CD244: variants seen among roughly 807,000 people sequenced by gnomAD.
CD244 encodes natural killer cell receptor 2B4.
A neutral mutation model predicts 45.5 loss-of-function variants in CD244; 20 were observed. That is an observed-to-expected ratio of 0.44 (90% confidence interval 0.31 to 0.64). The LOEUF is 0.64. CD244 is among the 30% of genes least tolerant of loss of function. The probability of loss-of-function intolerance (pLI) is 0.08; values close to 1 mark genes in which losing one functional copy is unlikely to be tolerated. For missense variants in CD244, 407 were observed against 426.9 expected (o/e 0.95, Z 0.41); for synonymous variants, 185 against 160.5 (o/e 1.15, Z -1.15).
At position 160,843,237 on chromosome 1, in the gene CD244, T is replaced by G. The variant is rs146788516; in HGVS notation, c.62-1336A>C. 4.3e-4 allele frequency among the ~76,000 whole-genome samples: 65 copies of G among 152,348 alleles called. 1 individual carries two copies. The highest frequency in any genetic ancestry group is 6.5e-4 in the Admixed American group (10 of 15,308). ...AGACTAAAACACATAGGTTCCCATT[T>G]ATATTTATATGACTTGTACTGGCTC... On this transcript the variant is annotated intron_variant, in intron 1 of 8. Transcript: ENST00000368034.
chr1:160,842,021 C>T (rs1340686858), intron 1 of CD244, 120 bp from the exon 2 acceptor site: 3 of 700,552 alleles, frequency 4.3e-6, no homozygotes, highest in African/African-American at 3.6e-5. Flanking sequence ...GAGCCCAGAA[C>T]CTAGGAGCAC....
chr1:160,832,434 T>G, intron 8 of CD244, 85 bp downstream of exon 8: 1 of 812,028 alleles, frequency 1.2e-6, no homozygotes. Flanking sequence ...GTGTGAATGA[T>G]CTTTTCCTAA....
At chr1:160,849,153 C>T (rs1669833387) in intron 1 of CD244, among the ~76,000 whole-genome samples, 1 of 152,172 alleles carries the variant, frequency 6.6e-6, no homozygotes, top group Non-Finnish European at 1.5e-5. Context: ...AGAAATCCAC[C>T]TCCCTGCATT....
intron 1 of CD244, among the ~76,000 whole-genome samples, chr1:160,859,474 C>T (rs1341987614): frequency 6.6e-6 from 1 of 152,204 alleles, no homozygotes; most frequent in Non-Finnish European, 1.5e-5. Context: ...TTAAATTTCA[C>T]TGTCATCATA....
intron 1 of CD244, among the ~76,000 whole-genome samples, chr1:160,854,776 T>C (rs1461531624): frequency 6.6e-6 from 1 of 152,208 alleles, no homozygotes; most frequent in South Asian, 2.1e-4. Context: ...TAGGCCGTTA[T>C]ATTTTATTTT....
chr1:160,836,340 A>G, intron 5 of CD244, 86 bp from the exon 6 acceptor site: 2 of 1,030,816 alleles, frequency 1.9e-6, no homozygotes, highest in Non-Finnish European at 3.0e-6. Flanking sequence ...AGCACAAAGA[A>G]GAGGGCTTTT....
intron 1 of CD244, among the ~76,000 whole-genome samples, chr1:160,854,845 G>A (rs1386323392): frequency 6.6e-6 from 1 of 152,198 alleles, no homozygotes; most frequent in African/African-American, 2.4e-5. Flanking sequence ...ATAAAAAGGA[G>A]CTAGAGAGAA....
At chr1:160,847,026 C>CA (rs1669762534) in intron 1 of CD244, among the ~76,000 whole-genome samples, 1 of 149,750 alleles carries the variant, frequency 6.7e-6, no homozygotes, top group African/African-American at 2.5e-5. Flanking sequence ...AGATGCAGCA[C>CA]AAAAATATCA....
At position 160,859,619 on chromosome 1, in the gene CD244, TATGATGGCTAGGC is replaced by T. The variant is rs536517914; in HGVS notation, c.61+2985_61+2997del. 4.9e-3 allele frequency among the ~76,000 whole-genome samples: 738 copies of T among 151,972 alleles called. 8 individuals carry two copies. The highest frequency in any genetic ancestry group is 0.017 in the African/African-American group (698 of 41,420). ...AAGAAAAAATAATTTTAAAAATGCA[TATGATGGCTAGGC>T]ATGATGGCTCACACTTGTAGTCCCA... On this transcript the variant is annotated intron_variant, in intron 1 of 8. Transcript: ENST00000368034.
At chr1:160,845,721 T>C (rs1037705199) in intron 1 of CD244, among the ~76,000 whole-genome samples, 17 of 151,918 alleles carry the variant, frequency 1.1e-4, no homozygotes, top group Admixed American at 2.0e-4. Flanking sequence ...CCAAGTATGG[T>C]GGTGCACACC....
chr1:160,844,064 A>G (rs1451494205), intron 1 of CD244, among the ~76,000 whole-genome samples: 1 of 152,228 alleles, frequency 6.6e-6, no homozygotes, highest in Non-Finnish European at 1.5e-5. Flanking sequence ...TTGAATCATC[A>G]CAACCCTGGA....
At position 160,849,790 on chromosome 1, in the gene CD244, C is replaced by T. The variant is rs184887010; in HGVS notation, c.62-7889G>A. Among the ~76,000 whole-genome samples, 5 of 152,210 alleles carry T rather than the reference C, an allele frequency of 3.3e-5. No individual in the cohort carries two copies. In the East Asian group the frequency reaches 7.7e-4, roughly 23 times the overall value. On this transcript the variant is annotated intron_variant, in intron 1 of 8. Transcript: ENST00000368034. ...CCTGTAATCCCAGCACTTTGGGCAG[C>T]TCACCTGAGGTCAGGAGTTCGAGAC...
intron 1 of CD244, among the ~76,000 whole-genome samples, chr1:160,851,112 T>G (rs1158806148): frequency 6.6e-6 from 1 of 152,186 alleles, no homozygotes; most frequent in East Asian, 1.9e-4. Context: ...CTCCGCATGT[T>G]TAGCTCTCTG....
Position 160,862,627 on chromosome 1 carries a change from A to G in CD244, c.51T>C (p.Tyr17=), listed in dbSNP as rs908450567. Reference sequence around the variant, plus strand: ...GTAGGACCTCCTTACCTTTGCCCTGATACACCTTGAGGAGCAGGAGGAGTA... The same window carrying G: ...GTAGGACCTCCTTACCTTTGCCCTGGTACACCTTGAGGAGCAGGAGGAGTA... The part of the protein sequence containing the change: ...TLILLLLLKV[Y]QGKGCQGSAD... The change falls in exon 1 of 9, where the codon TAT becomes TAC. Residue 17 remains tyrosine, a synonymous_variant. Coordinates refer to ENST00000368034, the MANE Select transcript of CD244 (RefSeq NM_016382.4). The G allele has an allele frequency of 6.2e-7, 1 of 1,613,840 alleles. No homozygotes were observed. Among genetic ancestry groups the G allele is most frequent in the East Asian group, 2.2e-5 (1 of 44,884 alleles).
chr1:160,840,647 T>C (rs1054464134), intron 3 of CD244, among the ~76,000 whole-genome samples: 2 of 150,044 alleles, frequency 1.3e-5, no homozygotes, highest in African/African-American at 5.0e-5. Flanking sequence ...AGCTGTATGG[T>C]TTTTTTTTCC....
rs1200409646 is a variant in CD244, at chr1:160,841,194, A to T, written c.655+16T>A. 2.5e-6 allele frequency: 4 copies of T among 1,613,458 alleles called. No individual in the cohort carries two copies. Among genetic ancestry groups the T allele is most frequent in the Non-Finnish European group, 3.4e-6 (4 of 1,179,542 alleles). On this transcript the variant is annotated intron_variant, in intron 3 of 8. Coordinates refer to ENST00000368034, the MANE Select transcript of CD244 (RefSeq NM_016382.4). ...AAACCTTCAGCGCTTGTTATAGCCC[A>T]GTGTGTTCCACTTACCCTGATGGGC...
At chr1:160,862,558 C>G in intron 1 of CD244, 59 bp downstream of exon 1, 1 of 1,503,504 alleles carries the variant, frequency 6.7e-7, no homozygotes, top group Non-Finnish European at 9.2e-7. Context: ...GCTCTGATCT[C>G]CCTGAGGGGC....
chr1:160,838,582 C>G, intron 4 of CD244, 64 bp from the exon 5 acceptor site: 1 of 1,113,714 alleles, frequency 9.0e-7, no homozygotes, highest in South Asian at 1.2e-5. Flanking sequence ...TTGCTTCTAA[C>G]AGGTCCCACC....
intron 1 of CD244, among the ~76,000 whole-genome samples, chr1:160,859,506 G>A (rs1670218759): frequency 6.6e-6 from 1 of 152,138 alleles, no homozygotes; most frequent in Admixed American, 6.5e-5. Flanking sequence ...GGGATGCGCT[G>A]AAAAAGACAC....
Sources: allele counts gnomAD v4.1 joint callset (sites outside exome capture counted in the v4.1 genomes callset), GRCh38; gene constraint gnomAD v4.1.1; transcripts MANE v1.5; gene names NCBI Gene and HGNC (gene_info 2026-07-23, HGNC 2026-07-21).